The following RAPGEF4 variants were observed in gnomAD, a reference collection of about 807,000 sequenced individuals.
RAPGEF4 encodes RAP guanine-nucleotide-exchange factor (GEF) 4.
A neutral mutation model predicts 147.9 loss-of-function variants in RAPGEF4; 66 were observed. The observed-to-expected ratio is 0.45, with a 90% CI of 0.37 to 0.55. The LOEUF (loss-of-function observed/expected upper bound fraction) is 0.55, where lower values mean the gene tolerates loss of function less well. Ranked by LOEUF, RAPGEF4 falls within the 20% of genes least tolerant of loss-of-function variation. RAPGEF4 has a pLI of 0.00. For missense variants in RAPGEF4, 1,071 were observed against 1,257.3 expected (o/e 0.85, Z 2.24); for synonymous variants, 419 against 442.7 (o/e 0.95, Z 0.67).
intron 6 of RAPGEF4, among the ~76,000 whole-genome samples, chr2:172,938,374 G>A (rs1233635058): frequency 1.3e-5 from 2 of 152,104 alleles, no homozygotes; most frequent in Non-Finnish European, 2.9e-5. Context: ...TCCCAACAGT[G>A]AGAAATTTGG....
At chr2:172,902,636 G>A (rs189650073) in intron 4 of RAPGEF4, among the ~76,000 whole-genome samples, 337 of 152,228 alleles carry the variant, frequency 2.2e-3, no homozygotes, top group Admixed American at 4.3e-3. Flanking sequence ...CTATTTTGCA[G>A]AATAGCTAAA....
Position 172,922,261 on chromosome 2 carries a change from G to T in RAPGEF4, c.518-20G>T. ...ATTATACAATTCATGGCCTCTCTCT[G>T]TCTCTTTTTCCTCCTTTAGGGATTC... On this transcript the variant is annotated intron_variant, in intron 5 of 30. Coordinates refer to ENST00000397081, the MANE Select transcript of RAPGEF4 (RefSeq NM_007023.4). 6.2e-7 allele frequency: 1 copy of T among 1,606,158 alleles called. No individual in the cohort carries two copies. The highest frequency in any genetic ancestry group is 8.5e-7 in the Non-Finnish European group (1 of 1,172,872).
chr2:172,808,762 C>T (rs1179168480), intron 3 of RAPGEF4, among the ~76,000 whole-genome samples: 1 of 152,100 alleles, frequency 6.6e-6, no homozygotes, highest in Non-Finnish European at 1.5e-5. Context: ...GCCCAAAGCC[C>T]ACAGGTCAGT....
chr2:173,022,365 C>T lies in RAPGEF4; in HGVS notation c.2253+1650C>T, dbSNP rs139526837. ...GGCCTCTGTCGTTGGAAGGAATGTC[C>T]TCTGCATTGAGTACCCTGGGCATGA... On this transcript the variant is annotated intron_variant, in intron 23 of 30. Coordinates refer to ENST00000397081, the MANE Select transcript of RAPGEF4 (RefSeq NM_007023.4). 5.5e-3 allele frequency among the ~76,000 whole-genome samples: 844 copies of T among 152,336 alleles called. 1 individual carries two copies. The highest frequency in any genetic ancestry group is 0.019 in the African/African-American group (793 of 41,582).
intron 4 of RAPGEF4, among the ~76,000 whole-genome samples, chr2:172,823,165 T>C (rs1376988001): frequency 6.6e-6 from 1 of 152,206 alleles, no homozygotes; most frequent in African/African-American, 2.4e-5. Flanking sequence ...TGAATTCTTA[T>C]GTGGGTAGCA....
chr2:172,993,663 G>A (rs1027211854), intron 15 of RAPGEF4, among the ~76,000 whole-genome samples: 3 of 152,126 alleles, frequency 2.0e-5, no homozygotes, highest in Non-Finnish European at 4.4e-5. Flanking sequence ...GCCTGGCAGT[G>A]GACAGTGGGA....
At chr2:172,805,913 T>G (rs1344925554) in intron 3 of RAPGEF4, among the ~76,000 whole-genome samples, 5 of 152,088 alleles carry the variant, frequency 3.3e-5, no homozygotes, top group Admixed American at 6.5e-5. Context: ...TTTAATCGAT[T>G]TAGGGTTAGA....
intron 4 of RAPGEF4, among the ~76,000 whole-genome samples, chr2:172,900,244 G>A (rs17757877): frequency 0.016 from 2,395 of 152,290 alleles, 24 homozygotes; most frequent in South Asian, 0.036. Flanking sequence ...TTTGGTTGCT[G>A]TTATTGTTGT....
chr2:172,838,155 A>G (rs867684161), intron 4 of RAPGEF4, among the ~76,000 whole-genome samples: 3 of 151,450 alleles, frequency 2.0e-5, no homozygotes, highest in Admixed American at 6.6e-5. Flanking sequence ...ACATTGCTAC[A>G]TATCATTTCC....
rs551176977 is a variant in RAPGEF4 at position 172,814,416 on chromosome 2, A to G, written c.435A>G (p.Ala145=). The G allele has an allele frequency of 1.9e-6, 3 of 1,614,186 alleles. No homozygotes were observed. The highest frequency in any genetic ancestry group is 3.3e-5 in the Admixed American group (2 of 60,030). Reference sequence around the variant, plus strand: ...GCATCGAGCAGAAGGACTTCAAGGCACTATGGGAGGTGAGCCCTAAGGCTT... The same window carrying G: ...GCATCGAGCAGAAGGACTTCAAGGCGCTATGGGAGGTGAGCCCTAAGGCTT... ...LLRIEQKDFK[A]LWEKYRQYMA... Residue 145 remains alanine, a synonymous_variant, in exon 4 of 31, where the codon GCA becomes GCG. Transcript: ENST00000397081.
In RAPGEF4 at chr2:172,866,238, C is replaced by T. The variant is rs181667148; in HGVS notation, c.445-51564C>T. Among the ~76,000 whole-genome samples the T allele has an allele frequency of 1.2e-4, 19 of 152,058 alleles. No homozygotes were observed. The East Asian group carries it at 3.7e-3, about 29-fold the overall frequency. ...ATTTGTTGTATCCATTTCTTCCCTT[C>T]CCAGACACTCCTCAATCCACGGTGA... On this transcript the variant is annotated intron_variant, in intron 4 of 30. Transcript: ENST00000397081.
Position 172,795,042 on chromosome 2 carries a change from G to A in RAPGEF4, c.83G>A (p.Ser28Asn). 6.2e-7 allele frequency: 1 copy of A among 1,614,052 alleles called. No individual in the cohort carries two copies. The highest frequency in any genetic ancestry group is 8.5e-7 in the Non-Finnish European group (1 of 1,179,962). The change falls in exon 2 of 31, where the codon AGC (serine) becomes AAC (asparagine). Residue 28 changes from serine to asparagine, a missense_variant. Ser to Asn is a conservative substitution (Grantham distance 46). Transcript: ENST00000397081. ...CLDKRPLERS[S>N]EDVDIIFTRL... Reference sequence around the variant, plus strand: ...CTATACAGACCACTGGAGCGATCCAGCGAAGATGTGGATATAATCTTCACT... The same window carrying A: ...CTATACAGACCACTGGAGCGATCCAACGAAGATGTGGATATAATCTTCACT...
intron 1 of RAPGEF4, among the ~76,000 whole-genome samples, chr2:172,753,955 A>G (rs1254714991): frequency 6.6e-6 from 1 of 152,134 alleles, no homozygotes; most frequent in Non-Finnish European, 1.5e-5. Flanking sequence ...AGAGTTACCA[A>G]TTAACATGTG....
chr2:172,788,022 T>G (rs1685397241), intron 1 of RAPGEF4, among the ~76,000 whole-genome samples: 1 of 152,112 alleles, frequency 6.6e-6, no homozygotes, highest in Admixed American at 6.6e-5. Flanking sequence ...AGATTTGGTG[T>G]CTGGTGAGGG....
chr2:172,842,717 A>G lies in RAPGEF4; in HGVS notation c.444+28292A>G, dbSNP rs372086692. Among the ~76,000 whole-genome samples the G allele has an allele frequency of 2.8e-4, 43 of 152,310 alleles. 2 individuals are homozygous for G. The highest frequency in any genetic ancestry group is 1.0e-3 in the African/African-American group (43 of 41,566). ...AGAGAACCAGGCAGAAGCTTCTTCA[A>G]TTTTATGACCTGCCTTGGAAGTCAT... On this transcript the variant is annotated intron_variant, in intron 4 of 30. Transcript: ENST00000397081.
intron 6 of RAPGEF4, among the ~76,000 whole-genome samples, chr2:172,932,620 A>G (rs1389133584): frequency 6.6e-6 from 1 of 152,216 alleles, no homozygotes; most frequent in Non-Finnish European, 1.5e-5. Context: ...TCCAGGCCAG[A>G]CGACTTTGTC....
chr2:172,907,074 A>C (rs1338248806), intron 4 of RAPGEF4, among the ~76,000 whole-genome samples: 2 of 152,024 alleles, frequency 1.3e-5, no homozygotes, highest in African/African-American at 4.8e-5. Context: ...CCCCTTCCCC[A>C]GTCTGGTGGT....
At chr2:172,929,760 A>G (rs1380289627) in intron 6 of RAPGEF4, among the ~76,000 whole-genome samples, 1 of 152,194 alleles carries the variant, frequency 6.6e-6, no homozygotes, top group Non-Finnish European at 1.5e-5. Flanking sequence ...GCACACGTGA[A>G]CAAATAAGAA....
Position 172,748,018 on chromosome 2 carries a change from T to A in RAPGEF4, c.65+11970T>A, listed in dbSNP as rs545074098. 1.3e-5 allele frequency among the ~76,000 whole-genome samples: 2 copies of A among 152,374 alleles called. 1 individual carries two copies. Among genetic ancestry groups the A allele is most frequent in the African/African-American group, 4.8e-5 (2 of 41,580 alleles). On this transcript the variant is annotated intron_variant, in intron 1 of 30. Transcript: ENST00000397081. Reference sequence around the variant, plus strand: ...GGTTTCCTTTATTTTTAAGATGGAATAATATAATAATATTCATTGTGTATA... The same window carrying A: ...GGTTTCCTTTATTTTTAAGATGGAAAAATATAATAATATTCATTGTGTATA...
Sources: allele counts gnomAD v4.1 joint callset (sites outside exome capture counted in the v4.1 genomes callset), GRCh38; gene constraint gnomAD v4.1.1; transcripts MANE v1.5; gene names NCBI Gene and HGNC (gene_info 2026-07-23, HGNC 2026-07-21).